The following FBN1 variants were observed in gnomAD, a reference collection of about 807,000 sequenced individuals.
FBN1 encodes fibrillin-1.
Under a neutral mutation model 365.1 loss-of-function variants are expected in FBN1, and 29 were observed. The ratio of observed to expected loss-of-function variants is 0.08; its 90% CI spans 0.06 to 0.11. The LOEUF is 0.11. FBN1 is among the 10% of genes least tolerant of loss of function. The probability of loss-of-function intolerance (pLI) is 1.00; values close to 1 mark genes in which losing one functional copy is unlikely to be tolerated. For missense variants in FBN1, 2,476 were observed against 3,703.2 expected (o/e 0.67, Z 8.60); for synonymous variants, 1,210 against 1,270.5 (o/e 0.95, Z 1.01).
At position 48,474,244 on chromosome 15, in the gene FBN1, C is replaced by A. The variant is rs148057138; in HGVS notation, c.4210+11G>T. 2.5e-6 allele frequency: 4 copies of A among 1,613,886 alleles called. No homozygotes were observed. The African/African-American group carries it at 4.0e-5, about 16-fold the overall frequency. On this transcript the variant is annotated intron_variant, in intron 34 of 65. Transcript: ENST00000316623. ...CTAGTGTTGACACAGTTGTTTCCAG[C>A]GTGAACATACCTGTACAAGTGAAGC...
At chr15:48,533,760 G>A (rs141521168) in intron 8 of FBN1, among the ~76,000 whole-genome samples, 2 of 152,134 alleles carry the variant, frequency 1.3e-5, no homozygotes, top group Non-Finnish European at 2.9e-5. Context: ...TTAAATTCAT[G>A]TCTCTAGAAC....
intron 43 of FBN1, among the ~76,000 whole-genome samples, chr15:48,458,735 A>C (rs117501642): frequency 0.018 from 2,695 of 152,308 alleles, 55 homozygotes; most frequent in East Asian, 0.084. Flanking sequence ...CAACTTAGTG[A>C]AGTTTATATT....
Position 48,412,672 on chromosome 15 carries a change from T to C in FBN1, c.8123A>G (p.Asn2708Ser), listed in dbSNP as rs759494825. The C allele has an allele frequency of 9.9e-6, 16 of 1,614,104 alleles. No individual in the cohort carries two copies. In the East Asian group the frequency reaches 3.3e-4, roughly 34 times the overall value. The change falls in exon 65 of 66, where the codon AAT (asparagine) becomes AGT (serine). Residue 2708 changes from asparagine (N) to serine (S), a missense_variant. Physicochemically the swap from Asn to Ser is conservative, Grantham distance 46 (BLOSUM62 1). Coordinates refer to ENST00000316623, the MANE Select transcript of FBN1 (RefSeq NM_000138.5). ...EPPVSGEMDDNSLSPEACYEC... is the reference protein window; with the variant it reads ...EPPVSGEMDDSSLSPEACYEC... ...GTAACAAGCCTCTGGGGAGAGTGAA[T>C]TGTCATCCATTTCACCACTGACAGG...
chr15:48,437,958 C>G (rs190361128), intron 50 of FBN1, 41 bp from the exon 51 acceptor site: 1 of 1,608,634 alleles, frequency 6.2e-7, no homozygotes, highest in East Asian at 2.2e-5. Context: ...TGCTTTCCTA[C>G]TGAGTCCGTA....
At chr15:48,611,627 G>A (rs2044657005) in intron 3 of FBN1, among the ~76,000 whole-genome samples, 1 of 152,032 alleles carries the variant, frequency 6.6e-6, no homozygotes, top group Non-Finnish European at 1.5e-5. Flanking sequence ...AGAGAAGAAT[G>A]CTGGAATCTA....
chr15:48,554,630 G>A lies in FBN1; in HGVS notation c.539-16822C>T, dbSNP rs142716508. ...TCAGTCATATTTTACTGCTTAGGTT[G>A]GGCAGTATTCATTTTTAAAATAGGT... On this transcript the variant is annotated intron_variant, in intron 6 of 65. Transcript: ENST00000316623. Among the ~76,000 whole-genome samples, 234 of 152,238 alleles carry A rather than the reference G, an allele frequency of 1.5e-3. 1 individual carries two copies. Among genetic ancestry groups the A allele is most frequent in the African/African-American group, 5.3e-3 (222 of 41,546 alleles).
chr15:48,501,524 G>A (rs763685066), intron 17 of FBN1, among the ~76,000 whole-genome samples: 3 of 152,172 alleles, frequency 2.0e-5, no homozygotes, highest in Admixed American at 6.5e-5. Flanking sequence ...TTCTGTTACT[G>A]CAACAAAAAC....
chr15:48,485,615 G>C (rs748801797), intron 29 of FBN1, 119 bp from the exon 30 acceptor site: 36 of 1,109,520 alleles, frequency 3.2e-5, no homozygotes, highest in Non-Finnish European at 4.7e-5. Context: ...GCCTTTAAAA[G>C]AGGTAATCAT....
At chr15:48,430,907 T>C (rs971580216) in intron 55 of FBN1, 105 bp from the exon 56 acceptor site, 1 of 1,074,092 alleles carries the variant, frequency 9.3e-7, no homozygotes, top group Non-Finnish European at 1.4e-6. Flanking sequence ...AATTTTCATC[T>C]GTTATTTCAC....
intron 11 of FBN1, 58 bp from the exon 12 acceptor site, chr15:48,515,585 C>T: frequency 1.3e-6 from 2 of 1,592,342 alleles, no homozygotes; most frequent in South Asian, 2.2e-5. Flanking sequence ...TTCATCAGTA[C>T]TTAATCTGAC....
intron 35 of FBN1, among the ~76,000 whole-genome samples, chr15:48,471,080 C>A (rs1001682138): frequency 6.6e-6 from 1 of 151,310 alleles, no homozygotes; most frequent in African/African-American, 2.4e-5. Flanking sequence ...ACGCTAAATT[C>A]GTTTTTTTTT....
chr15:48,443,975 T>C (rs1597531325), intron 49 of FBN1, among the ~76,000 whole-genome samples: 2 of 152,280 alleles, frequency 1.3e-5, no homozygotes, highest in East Asian at 1.9e-4. Context: ...AAGCTTACAG[T>C]GAGCTATACT....
chr15:48,635,630 C>A (rs776957800), intron 2 of FBN1, among the ~76,000 whole-genome samples: 2 of 151,832 alleles, frequency 1.3e-5, no homozygotes, highest in Non-Finnish European at 2.9e-5. Flanking sequence ...TAAAACATAC[C>A]AAAGTTAATA....
intron 45 of FBN1, 21 bp from the exon 46 acceptor site, chr15:48,448,914 A>C: frequency 6.2e-7 from 1 of 1,602,040 alleles, no homozygotes; most frequent in Non-Finnish European, 8.5e-7. Context: ...GAAGCATCTT[A>C]AGTGAGAACT....
chr15:48,456,712 TACAC>T lies in FBN1; in HGVS notation c.5343_5346del (p.Cys1782SerfsTer110). ...CATCGGAAGCTGCCAACCATGTTGA[TACAC>T]ACTCCATTTTCACAGACCCCTGGGA... On this transcript the variant is annotated frameshift_variant, in exon 44 of 66. Transcript: ENST00000316623. LOFTEE classifies it high-confidence loss of function. The T allele has an allele frequency of 6.2e-7, 1 of 1,613,942 alleles. No homozygotes were observed. The highest frequency in any genetic ancestry group is 8.5e-7 in the Non-Finnish European group (1 of 1,179,826).
At chr15:48,589,455 AGT>A (rs946475435) in intron 6 of FBN1, among the ~76,000 whole-genome samples, 14 of 152,046 alleles carry the variant, frequency 9.2e-5, no homozygotes, top group African/African-American at 3.4e-4. Flanking sequence ...CAAAAAAACG[AGT>A]GTGTGTGTCA....
intron 32 of FBN1, among the ~76,000 whole-genome samples, chr15:48,475,584 T>C (rs1256993379): frequency 1.3e-5 from 2 of 152,222 alleles, no homozygotes; most frequent in East Asian, 3.8e-4. Context: ...TGGTACTCTA[T>C]ATGGAAACCA....
intron 8 of FBN1, among the ~76,000 whole-genome samples, chr15:48,530,751 A>G (rs2043964135): frequency 6.6e-6 from 1 of 152,180 alleles, no homozygotes. Context: ...TAAATATGCT[A>G]TTATTTTGGA....
At chr15:48,623,700 A>C (rs1889813849) in intron 2 of FBN1, among the ~76,000 whole-genome samples, 1 of 152,186 alleles carries the variant, frequency 6.6e-6, no homozygotes, top group African/African-American at 2.4e-5. Context: ...AGTGACCTTG[A>C]TAGGTCTCTT....
Sources: allele counts gnomAD v4.1 joint callset (sites outside exome capture counted in the v4.1 genomes callset), GRCh38; gene constraint gnomAD v4.1.1; transcripts MANE v1.5; gene names NCBI Gene and HGNC (gene_info 2026-07-23, HGNC 2026-07-21).